Variants in PRMT8 observed in about 807,000 individuals in gnomAD.
PRMT8 encodes the protein protein arginine methyltransferase 8.
PRMT8 carries 7 observed loss-of-function variants against 47.1 expected under a neutral mutation model. That is an observed-to-expected ratio of 0.15 (90% confidence interval 0.08 to 0.28). The LOEUF (loss-of-function observed/expected upper bound fraction) is 0.28, where lower values mean the gene tolerates loss of function less well. PRMT8 is among the 10% of genes least tolerant of loss of function. The probability of loss-of-function intolerance (pLI) is 1.00; values close to 1 mark genes in which losing one functional copy is unlikely to be tolerated. For missense variants in PRMT8, 237 were observed against 505.4 expected (o/e 0.47, Z 5.09); for synonymous variants, 188 against 186.5 (o/e 1.01, Z -0.07).
intron 8 of PRMT8, among the ~76,000 whole-genome samples, chr12:3,590,471 TA>T (rs1468094036): frequency 6.6e-6 from 1 of 152,114 alleles, no homozygotes; most frequent in Non-Finnish European, 1.5e-5. Context: ...TAATTCTTGG[TA>T]AATTAAAAAT....
intron 1 of PRMT8, among the ~76,000 whole-genome samples, chr12:3,536,724 G>A (rs985671163): frequency 4.6e-5 from 7 of 152,142 alleles, no homozygotes; most frequent in Non-Finnish European, 2.9e-5. Flanking sequence ...ACTTTGTTTC[G>A]GAGCCCTTGC....
At chr12:3,590,608 T>G (rs1461961470) in intron 8 of PRMT8, among the ~76,000 whole-genome samples, 6 of 149,172 alleles carry the variant, frequency 4.0e-5, no homozygotes, top group African/African-American at 1.5e-4. Context: ...TATCCCCAAG[T>G]CTTCTCATCT....
At chr12:3,441,956 C>T (rs1452022405) in intron 1 of PRMT8, among the ~76,000 whole-genome samples, 2 of 152,164 alleles carry the variant, frequency 1.3e-5, no homozygotes, top group Non-Finnish European at 2.9e-5. Flanking sequence ...ACAAACCTCC[C>T]GTCAATAAAC....
chr12:3,417,724 C>T (rs1236674976), intron 1 of PRMT8, among the ~76,000 whole-genome samples: 1 of 152,178 alleles, frequency 6.6e-6, no homozygotes, highest in Non-Finnish European at 1.5e-5. Context: ...GTACTTCACT[C>T]CAGTGAGGTT....
intron 1 of PRMT8, among the ~76,000 whole-genome samples, chr12:3,444,950 T>C (rs1039521207): frequency 1.3e-5 from 2 of 152,192 alleles, no homozygotes; most frequent in Non-Finnish European, 2.9e-5. Context: ...CGACCACCTG[T>C]GATCCCCTCG....
intron 1 of PRMT8, among the ~76,000 whole-genome samples, chr12:3,447,074 A>G (rs571810732): frequency 3.9e-5 from 6 of 152,104 alleles, no homozygotes; most frequent in African/African-American, 1.4e-4. Context: ...GGACCTGTTC[A>G]CCCACAGTGA....
chr12:3,581,968 T>C (rs1591614974), intron 7 of PRMT8, among the ~76,000 whole-genome samples: 1 of 152,246 alleles, frequency 6.6e-6, no homozygotes, highest in East Asian at 1.9e-4. Flanking sequence ...TCCTACCCTC[T>C]GGTCCCTCTC....
At chr12:3,571,326 T>C (rs774636198) in intron 6 of PRMT8, among the ~76,000 whole-genome samples, 1 of 152,262 alleles carries the variant, frequency 6.6e-6, no homozygotes, top group Non-Finnish European at 1.5e-5. Flanking sequence ...AGCTGCATTT[T>C]GGAGTTCTTG....
upstream of PRMT8, among the ~76,000 whole-genome samples, chr12:3,490,554 G>GC (rs1156459468): frequency 2.0e-5 from 3 of 150,156 alleles, no homozygotes; most frequent in Admixed American, 6.6e-5. Context: ...AGTGGGGGGG[G>GC]GGGCACTGCA....
intron 1 of PRMT8, among the ~76,000 whole-genome samples, chr12:3,437,622 C>CTACATATATATATA (rs1555079682): frequency 1.6e-4 from 23 of 142,820 alleles, no homozygotes; most frequent in African/African-American, 5.7e-4. Context: ...TGCATTCAGG[C>CTACATATATATATA]TATATATATA....
At chr12:3,465,213 TA>T (rs889418113) in intron 1 of PRMT8, among the ~76,000 whole-genome samples, 1 of 144,820 alleles carries the variant, frequency 6.9e-6, no homozygotes, top group Non-Finnish European at 1.5e-5. Flanking sequence ...TTTTTATATA[TA>T]TTTTATAAAT....
At chr12:3,401,412 C>T (rs189444740) in intron 1 of PRMT8, among the ~76,000 whole-genome samples, 2 of 152,076 alleles carry the variant, frequency 1.3e-5, no homozygotes, top group African/African-American at 4.8e-5. Flanking sequence ...TGAAAATCGG[C>T]ACAAGAAAAG....
At chr12:3,465,932 C>A (rs1865093630) in intron 1 of PRMT8, among the ~76,000 whole-genome samples, 1 of 152,168 alleles carries the variant, frequency 6.6e-6, no homozygotes. Flanking sequence ...GTAGTCAACA[C>A]TCCTACCTAA....
At position 3,461,663 on chromosome 12, in the gene PRMT8, AAGTCCTCTCAAGAGGAGTC is replaced by A. The variant is rs1865042938; in HGVS notation, c.49-78942_49-78924del. 4.0e-3 allele frequency among the ~76,000 whole-genome samples: 605 copies of A among 152,048 alleles called. 5 individuals are homozygous for A. Among genetic ancestry groups the A allele is most frequent in the African/African-American group, 0.014 (579 of 41,298 alleles). On this transcript the variant is annotated intron_variant, in intron 1 of 9. Transcript: ENST00000452611. The stretch of plus-strand genomic sequence containing the variant: ...AGACTCCCTCCTATCTCAGAGCAGG[AAGTCCTCTCAAGAGGAGTC>A]CAAGCTTCAGACAGAGAAGCAGGGG...
intron 1 of PRMT8, among the ~76,000 whole-genome samples, chr12:3,445,707 C>G (rs1489009349): frequency 6.6e-6 from 1 of 152,144 alleles, no homozygotes; most frequent in African/African-American, 2.4e-5. Context: ...TTTGTTCTGA[C>G]TAAATATTTC....
At chr12:3,399,546 T>A (rs1864296645) in intron 1 of PRMT8, among the ~76,000 whole-genome samples, 1 of 152,108 alleles carries the variant, frequency 6.6e-6, no homozygotes, top group South Asian at 2.1e-4. Flanking sequence ...CCCAGAGACA[T>A]CATGAGCCTC....
chr12:3,563,039 A>G (rs951832530), intron 4 of PRMT8, among the ~76,000 whole-genome samples: 2 of 151,860 alleles, frequency 1.3e-5, no homozygotes, highest in African/African-American at 4.8e-5. Context: ...AGCCCACATG[A>G]TCATCTGCTT....
Position 3,576,072 on chromosome 12 carries a change from T to A in PRMT8, c.713-799T>A, listed in dbSNP as rs904116954. Among the ~76,000 whole-genome samples, 2 of 152,206 alleles carry A rather than the reference T, an allele frequency of 1.3e-5. No individual in the cohort carries two copies. The highest frequency in any genetic ancestry group is 6.5e-5 in the Admixed American group (1 of 15,286). ...TGATCCTGGGCCATCAGACTTGAAT[T>A]AATTTCTCACCAACCCCCTAGATCT... On this transcript the variant is annotated intron_variant, in intron 6 of 9. Transcript: ENST00000382622. The surrounding 1 kb of genome is among the most constrained non-coding windows in gnomAD (Gnocchi z 4.0).
At chr12:3,454,182 C>G (rs1408487225) in intron 1 of PRMT8, among the ~76,000 whole-genome samples, 1 of 152,070 alleles carries the variant, frequency 6.6e-6, no homozygotes, top group African/African-American at 2.4e-5. Flanking sequence ...ATGCCGCCCC[C>G]GCCCACCCCG....
Sources: gnomAD v4.1 joint callset for allele counts (sites outside exome capture counted in the v4.1 genomes callset) on GRCh38, gnomAD v4.1.1 for gene constraint, Gnocchi (gnomAD v3.1) non-coding constraint, MANE v1.5 for transcripts, NCBI Gene and HGNC (gene_info 2026-07-23, HGNC 2026-07-21) for gene names.